Variants in GAA observed in about 807,000 individuals in gnomAD.
GAA encodes lysosomal alpha-glucosidase.
Under a neutral mutation model 103.9 loss-of-function variants are expected in GAA, and 88 were observed. The observed-to-expected ratio is 0.85, with a 90% CI of 0.71 to 1.01. GAA has a LOEUF of 1.01. Among genes scored for constraint, GAA ranks in the 50% least tolerant of loss-of-function variants. The probability of loss-of-function intolerance (pLI) is 0.00; values close to 1 mark genes in which losing one functional copy is unlikely to be tolerated. For synonymous variants in GAA, 572 were observed against 563.1 expected (o/e 1.02, Z -0.22); for missense variants, 1,350 against 1,305.3 (o/e 1.03, Z -0.53).
chr17:80,112,378 G>A, intron 12 of GAA, 200 bp from the exon 13 acceptor site: 2 of 692,164 alleles, frequency 2.9e-6, no homozygotes, highest in South Asian at 1.8e-5. Flanking sequence ...GCTGGGGGGG[G>A]TCCTGGCTCA....
chr17:80,118,350 C>A lies in GAA; in HGVS notation c.2639C>A (p.Ala880Asp). ...RGAYTQVIFL[A>D]RNNTIVNELV... ...GCCTACACACAGGTCATCTTCCTGG[C>A]CAGGAATGTGAGTCCTGGGGCTGCT... is the stretch of plus-strand genomic sequence containing the variant. The change falls in exon 18 of 20, where the codon GCC becomes GAC. Residue 880 changes from alanine to aspartate, a missense_variant. By Grantham distance (126) the Ala-to-Asp change is moderately radical. Transcript: ENST00000302262. 1 of 1,562,300 alleles carries A rather than the reference C, an allele frequency of 6.4e-7. No homozygotes were observed.
chr17:80,116,783 TC>T, intron 15 of GAA, 184 bp from the exon 16 acceptor site: 1 of 659,502 alleles, frequency 1.5e-6, no homozygotes, highest in Non-Finnish European at 2.7e-6. Flanking sequence ...TTCTCCCAGC[TC>T]CGGCATTGAC....
chr17:80,117,109 G>T lies in GAA; in HGVS notation c.2331G>T (p.Thr777=). 2 of 1,612,328 alleles carry T rather than the reference G, an allele frequency of 1.2e-6. No individual in the cohort carries two copies. The highest frequency in any genetic ancestry group is 1.7e-6 in the Non-Finnish European group (2 of 1,179,980). The change falls in exon 16 of 20, where the codon ACG becomes ACT. Residue 777 remains threonine, a splice_region_variant and synonymous_variant. Transcript: ENST00000302262. Reference sequence around the variant, plus strand: ...TGGGCACATGGTACGACCTGCAGACGGTGAGTCTGGGGACCCTAAGCCCTG... The same window carrying T: ...TGGGCACATGGTACGACCTGCAGACTGTGAGTCTGGGGACCCTAAGCCCTG... ...FPLGTWYDLQ[T]VPVEALGSLP...
chr17:80,119,780 C>T lies in GAA; in HGVS notation c.*449C>T, dbSNP rs535516935. 1.6e-4 allele frequency: 34 copies of T among 207,234 alleles called. No homozygotes were observed. Among genetic ancestry groups the T allele is most frequent in the Admixed American group, 8.9e-4 (17 of 19,194 alleles). The allele number at this position is 207,234 out of a possible 1,614,324, so 12.8% of individuals were successfully genotyped here. A position where few individuals can be genotyped will look rare whatever the true frequency, so the allele number is the denominator to read the frequency against. On this transcript the variant is annotated 3_prime_UTR_variant, in exon 20 of 20. Coordinates refer to ENST00000302262, the MANE Select transcript of GAA (RefSeq NM_000152.5). ...GCTGCCCAGAGGGCTGGATGCCTGC[C>T]GGTCCCCGAGCAAGCCTGGGAACTC...
rs1440701677 is a variant in GAA, at chr17:80,101,599, G to A, written c.-324G>A. ...CCGGGCACGACCCCGGAGTCTCCGC[G>A]GGCGGCCAGGGCGCGCGTGCGCGGA... On this transcript the variant is annotated 5_prime_UTR_variant, in exon 1 of 20. Transcript: ENST00000302262. The A allele has an allele frequency of 1.3e-5, 2 of 150,880 alleles. No homozygotes were observed. The highest frequency in any genetic ancestry group is 2.4e-5 in the African/African-American group (1 of 41,308). 9.3% of individuals were successfully genotyped at this position (150,880 alleles called of 1,614,324 possible). A position where few individuals can be genotyped will look rare whatever the true frequency, so the allele number is the denominator to read the frequency against.
At position 80,107,793 on chromosome 17, in the gene GAA, G is replaced by A. The variant is rs777262966; in HGVS notation, c.859-7G>A. The A allele has an allele frequency of 1.2e-6, 2 of 1,610,854 alleles. No homozygotes were observed. Among genetic ancestry groups the A allele is most frequent in the Admixed American group, 3.3e-5 (2 of 59,736 alleles). ...GGTGCTGAAGCGCCGTCTCCTGCAT[G>A]TCCCAGCCCGGTGCGAACCTCTACG... On this transcript the variant is annotated splice_region_variant and splice_polypyrimidine_tract_variant and intron_variant, in intron 4 of 19. Transcript: ENST00000302262.
chr17:80,111,822 C>G, intron 11 of GAA, 161 bp from the exon 12 acceptor site: 1 of 630,650 alleles, frequency 1.6e-6, no homozygotes, highest in Non-Finnish European at 2.8e-6. Context: ...CGGGTAACGC[C>G]AGCCCCACAG....
chr17:80,111,079 G>C (rs923324177), intron 11 of GAA, 54 bp downstream of exon 11: 2 of 1,548,036 alleles, frequency 1.3e-6, no homozygotes, highest in Non-Finnish European at 1.8e-6. Context: ...AGACTCCCTT[G>C]TCTGGCCTGG....
chr17:80,108,731 C>T lies in GAA; in HGVS notation c.1229C>T (p.Ser410Phe), dbSNP rs777431563. 10 of 1,612,486 alleles carry T rather than the reference C, an allele frequency of 6.2e-6. No homozygotes were observed. The highest frequency in any genetic ancestry group is 7.6e-6 in the Non-Finnish European group (9 of 1,179,822). The change falls in exon 8 of 20, where the codon TCC becomes TTC. Residue 410 changes from serine to phenylalanine, a missense_variant. Transcript: ENST00000302262. ...TGGAACGACCTGGACTACATGGACT[C>T]CCGGAGGGACTTCACGTTCAACAAG... ...VQWNDLDYMD[S>F]RRDFTFNKDG...
At chr17:80,111,631 A>G (rs2039239289) in intron 11 of GAA, 2 of 361,832 alleles carry the variant, frequency 5.5e-6, no homozygotes, top group Non-Finnish European at 1.0e-5. Context: ...GCCTGAGGCT[A>G]TAGTTTGGCC....
chr17:80,110,396 G>A (rs1368092738), intron 9 of GAA, among the ~76,000 whole-genome samples: 2 of 152,198 alleles, frequency 1.3e-5, no homozygotes, highest in African/African-American at 4.8e-5. Context: ...GGAGGGTCTG[G>A]TGCGGATGTG....
Position 80,119,292 on chromosome 17 carries a change from G to T in GAA, c.2820G>T (p.Ser940=). 1 of 1,613,998 alleles carries T rather than the reference G, an allele frequency of 6.2e-7. No homozygotes were observed. The highest frequency in any genetic ancestry group is 1.1e-5 in the South Asian group (1 of 91,076). The change falls in exon 20 of 20, where the codon TCG becomes TCT. Residue 940 remains serine, a synonymous_variant. Coordinates refer to ENST00000302262, the MANE Select transcript of GAA (RefSeq NM_000152.5). ...TCCAGGTCCTGGACATCTGTGTCTC[G>T]CTGTTGATGGGAGAGCAGTTTCTCG... ...PDTKVLDICV[S]LLMGEQFLVS... is the part of the protein sequence containing the mutation.
At chr17:80,107,933 T>G (rs950848225) in intron 5 of GAA, 37 bp downstream of exon 5, 1 of 1,555,302 alleles carries the variant, frequency 6.4e-7, no homozygotes, top group Non-Finnish European at 8.7e-7. Flanking sequence ...GGCCGGGGTC[T>G]CCTCCGTGCT....
intron 19 of GAA, among the ~76,000 whole-genome samples, chr17:80,119,055 G>T (rs1383130398): frequency 2.6e-5 from 4 of 152,200 alleles, no homozygotes; most frequent in Admixed American, 6.5e-5. Context: ...CGTTTCTGGC[G>T]TGCGTTAAGG....
chr17:80,119,879 C>A lies in GAA; in HGVS notation c.*548C>A. The A allele has an allele frequency of 5.7e-6, 1 of 176,876 alleles. No individual in the cohort carries two copies. The highest frequency in any genetic ancestry group is 1.2e-5 in the Non-Finnish European group (1 of 81,678). 11.0% of individuals were successfully genotyped at this position (176,876 alleles called of 1,614,324 possible). On this transcript the variant is annotated 3_prime_UTR_variant, in exon 20 of 20. Coordinates refer to ENST00000302262, the MANE Select transcript of GAA (RefSeq NM_000152.5). ...TTTTAATAAAAGGGGCATTTGGAAT[C>A]AGCTTCTGCGGGTCTCTCTGGGATT... is the stretch of plus-strand genomic sequence containing the variant.
chr17:80,107,517 C>T, intron 3 of GAA, 40 bp from the exon 4 acceptor site: 1 of 1,612,418 alleles, frequency 6.2e-7, no homozygotes, highest in South Asian at 1.1e-5. Flanking sequence ...TCGTGTGGCC[C>T]CTTGGGTGTG....
chr17:80,106,324 T>G (rs2039086254), intron 3 of GAA, among the ~76,000 whole-genome samples: 1 of 83,936 alleles, frequency 1.2e-5, no homozygotes, highest in Admixed American at 1.1e-4. Flanking sequence ...CATAAGCAAG[T>G]CCATGCAGAC....
chr17:80,113,447 G>T (rs1172894004), intron 15 of GAA, 81 bp downstream of exon 15: 19 of 1,325,342 alleles, frequency 1.4e-5, no homozygotes, highest in Non-Finnish European at 1.8e-5. Context: ...CTGTCCTGCT[G>T]TGGGCTGTGT....
chr17:80,112,496 C>T (rs2039259505), intron 12 of GAA, 82 bp from the exon 13 acceptor site: 2 of 1,560,968 alleles, frequency 1.3e-6, no homozygotes, highest in Admixed American at 3.4e-5. Context: ...AAGCTCCTTG[C>T]TCCCAGCTCT....
Sources: allele counts gnomAD v4.1 joint callset (sites outside exome capture counted in the v4.1 genomes callset), GRCh38; gene constraint gnomAD v4.1.1; transcripts MANE v1.5; gene names NCBI Gene and HGNC (gene_info 2026-07-23, HGNC 2026-07-21).